NRG3: variants seen among roughly 807,000 people sequenced by gnomAD.
NRG3 encodes the protein neuregulin 3, also known as pro-neuregulin-3, membrane-bound isoform.
A neutral mutation model predicts 66.9 loss-of-function variants in NRG3; 31 were observed. The observed-to-expected ratio is 0.46, with a 90% CI of 0.35 to 0.63. The LOEUF is 0.63. Among genes scored for constraint, NRG3 ranks in the 20% least tolerant of loss-of-function variants. The pLI is 0.00. For missense variants in NRG3, 910 were observed against 878.9 expected (o/e 1.04, Z -0.45); for synonymous variants, 393 against 359.4 (o/e 1.09, Z -1.06).
intron 1 of NRG3, among the ~76,000 whole-genome samples, chr10:81,910,933 A>G (rs1235518172): frequency 6.6e-6 from 1 of 152,168 alleles, no homozygotes; most frequent in Non-Finnish European, 1.5e-5. Flanking sequence ...TTGTGATTGC[A>G]GGTATGAGCC....
At chr10:82,667,806 G>T (rs1465344519) in intron 2 of NRG3, among the ~76,000 whole-genome samples, 1 of 152,132 alleles carries the variant, frequency 6.6e-6, no homozygotes, top group South Asian at 2.1e-4. Flanking sequence ...TTCACCCCAA[G>T]AACAGCTCTC....
chr10:82,449,813 T>G (rs544065290), intron 2 of NRG3, among the ~76,000 whole-genome samples: 1 of 152,234 alleles, frequency 6.6e-6, no homozygotes, highest in Non-Finnish European at 1.5e-5. Context: ...AACCTGTCTG[T>G]ATCAAGGGCA....
At chr10:82,201,413 C>A (rs183838463) in intron 1 of NRG3, among the ~76,000 whole-genome samples, 1 of 152,032 alleles carries the variant, frequency 6.6e-6, no homozygotes, top group African/African-American at 2.4e-5. Context: ...TATCTGAAAT[C>A]ATTTCTGTCT....
At chr10:82,111,083 T>C (rs544793512) in intron 1 of NRG3, among the ~76,000 whole-genome samples, 6 of 152,324 alleles carry the variant, frequency 3.9e-5, no homozygotes, top group African/African-American at 1.2e-4. Context: ...CTAAAGTTAG[T>C]TGAAAATCAA....
rs59861426 is a variant in NRG3 at position 82,392,898 on chromosome 10, A to ATTTT, written c.953+34033_953+34036dup. Among the ~76,000 whole-genome samples the ATTTT allele has an allele frequency of 3.0e-3, 451 of 150,206 alleles. 5 individuals carry two copies. The highest frequency in any genetic ancestry group is 0.011 in the African/African-American group (437 of 40,570). ...TGAGGTCATATATATATATATATAT[A>ATTTT]TTTTTTGCAGGCTTCATATGATTTT... On this transcript the variant is annotated intron_variant, in intron 2 of 8. Coordinates refer to ENST00000372141, the MANE Select transcript of NRG3 (RefSeq NM_001010848.4).
chr10:82,381,539 G>A (rs1176491841), intron 2 of NRG3, among the ~76,000 whole-genome samples: 1 of 152,096 alleles, frequency 6.6e-6, no homozygotes, highest in East Asian at 1.9e-4. Flanking sequence ...TCTCAACAAC[G>A]TGTACAAGAT....
intron 4 of NRG3, among the ~76,000 whole-genome samples, chr10:82,869,931 A>T (rs1026371794): frequency 6.7e-6 from 1 of 150,156 alleles, no homozygotes; most frequent in East Asian, 2.0e-4. Context: ...TACTATTGTC[A>T]TAGTTTTAAC....
chr10:82,313,656 C>CCCAGACCATA (rs6144004), intron 1 of NRG3, among the ~76,000 whole-genome samples: 1 of 151,504 alleles, frequency 6.6e-6, no homozygotes, highest in African/African-American at 2.4e-5. Context: ...GGACCTCATT[C>CCCAGACCATA]CCAGGTCAGA....
At chr10:82,624,418 C>G (rs2049264072) in intron 2 of NRG3, among the ~76,000 whole-genome samples, 1 of 152,050 alleles carries the variant, frequency 6.6e-6, no homozygotes, top group Non-Finnish European at 1.5e-5. Flanking sequence ...TTTCCCCCAC[C>G]TTAACCATTC....
chr10:82,340,143 G>C (rs1271193827), intron 1 of NRG3, among the ~76,000 whole-genome samples: 1 of 152,144 alleles, frequency 6.6e-6, no homozygotes, highest in African/African-American at 2.4e-5. Flanking sequence ...GTTGGGGCTA[G>C]TGTTAGAGTT....
intron 2 of NRG3, among the ~76,000 whole-genome samples, chr10:82,477,757 G>A (rs1841910968): frequency 1.3e-5 from 2 of 152,148 alleles, no homozygotes; most frequent in South Asian, 4.1e-4. Flanking sequence ...GATCAGTTAG[G>A]GAACATAGAG....
intron 2 of NRG3, among the ~76,000 whole-genome samples, chr10:82,669,248 GTAATAA>G (rs5786560): frequency 0.25 from 35,046 of 142,790 alleles, 4,444 homozygotes; most frequent in Middle Eastern, 0.43. Context: ...ATTTATGATG[GTAATAA>G]TAATAATAAT....
chr10:82,432,474 A>G (rs960390876), intron 2 of NRG3, among the ~76,000 whole-genome samples: 2 of 140,628 alleles, frequency 1.4e-5, no homozygotes, highest in African/African-American at 2.7e-5. Flanking sequence ...TATACACCAC[A>G]TTTTTTTTCT....
At chr10:82,405,936 A>G (rs192269790) in intron 2 of NRG3, among the ~76,000 whole-genome samples, 137 of 152,194 alleles carry the variant, frequency 9.0e-4, no homozygotes, top group Admixed American at 2.6e-3. Context: ...TTGTCCAACC[A>G]TTAGCTCTGG....
chr10:82,648,528 T>C (rs1209679342), intron 2 of NRG3, among the ~76,000 whole-genome samples: 1 of 152,190 alleles, frequency 6.6e-6, no homozygotes, highest in East Asian at 1.9e-4. Flanking sequence ...AGTGTTTTTT[T>C]CCAATTCTGT....
chr10:82,491,139 A>G (rs887956387), intron 2 of NRG3, among the ~76,000 whole-genome samples: 1 of 151,422 alleles, frequency 6.6e-6, no homozygotes, highest in African/African-American at 2.4e-5. Flanking sequence ...GAGTTGCCCT[A>G]TCCCCAGATA....
intron 1 of NRG3, among the ~76,000 whole-genome samples, chr10:82,150,350 C>A (rs1370351881): frequency 6.6e-6 from 1 of 150,880 alleles, no homozygotes; most frequent in East Asian, 2.0e-4. Flanking sequence ...TTCTACCCAG[C>A]CCACCCCTTT....
chr10:82,571,078 G>A (rs1304873439), intron 2 of NRG3, among the ~76,000 whole-genome samples: 3 of 151,272 alleles, frequency 2.0e-5, no homozygotes, highest in African/African-American at 4.8e-5. Flanking sequence ...TCCATACATA[G>A]GTATATATAT....
intron 1 of NRG3, among the ~76,000 whole-genome samples, chr10:81,888,919 T>C (rs918195609): frequency 9.2e-5 from 14 of 152,170 alleles, no homozygotes; most frequent in African/African-American, 3.4e-4. Context: ...TTGTTCCAAA[T>C]CATTTAAAGA....
Sources: gnomAD v4.1 joint callset for allele counts (sites outside exome capture counted in the v4.1 genomes callset) on GRCh38, gnomAD v4.1.1 for gene constraint, MANE v1.5 for transcripts, NCBI Gene and HGNC (gene_info 2026-07-23, HGNC 2026-07-21) for gene names.